The following SEZ6L variants were observed in gnomAD, a reference collection of about 807,000 sequenced individuals.
SEZ6L encodes seizure related 6 homolog like.
Under a neutral mutation model 106.2 loss-of-function variants are expected in SEZ6L, and 37 were observed. The ratio of observed to expected loss-of-function variants is 0.35; its 90% confidence interval spans 0.27 to 0.46. The LOEUF is 0.46. Among genes scored for constraint, SEZ6L ranks in the 20% least tolerant of loss-of-function variants. The probability of loss-of-function intolerance (pLI) is 1.00; values close to 1 mark genes in which losing one functional copy is unlikely to be tolerated. For missense variants in SEZ6L, 1,172 were observed against 1,332.8 expected, an observed-to-expected ratio of 0.88 and a Z score of 1.88; for synonymous variants, 541 against 570.4, an observed-to-expected ratio of 0.95 and a Z score of 0.73.
intron 1 of SEZ6L, among the ~76,000 whole-genome samples, chr22:26,278,200 G>T (rs891391680): frequency 3.3e-5 from 5 of 152,230 alleles, no homozygotes; most frequent in Non-Finnish European, 5.9e-5. Context: ...GGCCAGCAAG[G>T]AGGTTGTGGA....
intron 1 of SEZ6L, among the ~76,000 whole-genome samples, chr22:26,255,953 G>T (rs1304858888): frequency 6.6e-6 from 1 of 152,194 alleles, no homozygotes; most frequent in African/African-American, 2.4e-5. Context: ...GCACATGAGT[G>T]GGGTTTAGGC....
intron 9 of SEZ6L, among the ~76,000 whole-genome samples, chr22:26,339,576 T>G (rs560097962): frequency 6.6e-6 from 1 of 152,338 alleles, no homozygotes; most frequent in South Asian, 2.1e-4. Context: ...ACAGTATGAA[T>G]GGTGACAGGT....
chr22:26,366,591 C>A (rs1353744337), intron 13 of SEZ6L, among the ~76,000 whole-genome samples: 2 of 151,674 alleles, frequency 1.3e-5, no homozygotes, highest in East Asian at 1.9e-4. Flanking sequence ...GCCTGTAGTC[C>A]CAGCTACTTG....
chr22:26,179,779 A>G (rs1939264139), intron 1 of SEZ6L, among the ~76,000 whole-genome samples: 1 of 151,972 alleles, frequency 6.6e-6, no homozygotes, highest in Non-Finnish European at 1.5e-5. Context: ...CTTCCTCTCT[A>G]TTGCCTAACT....
At chr22:26,233,945 C>A (rs779736815) in intron 1 of SEZ6L, among the ~76,000 whole-genome samples, 1 of 152,100 alleles carries the variant, frequency 6.6e-6, no homozygotes, top group East Asian at 1.9e-4. Flanking sequence ...GATGGAGGAC[C>A]GGGCTCACCC....
chr22:26,216,992 T>C (rs1346040880), intron 1 of SEZ6L, among the ~76,000 whole-genome samples: 2 of 152,204 alleles, frequency 1.3e-5, no homozygotes, highest in African/African-American at 4.8e-5. Context: ...CACTGGGCTC[T>C]CCTGCACCCC....
chr22:26,323,081 C>G (rs1039195800), intron 9 of SEZ6L, among the ~76,000 whole-genome samples: 1 of 152,180 alleles, frequency 6.6e-6, no homozygotes, highest in Non-Finnish European at 1.5e-5. Context: ...CAAGAGAGGA[C>G]CAGAAAGACA....
In SEZ6L at chr22:26,263,124, G is replaced by A. The variant is rs561626087; in HGVS notation, c.95-29282G>A. The stretch of plus-strand genomic sequence containing the variant: ...ACTTTCATGCTTCCCATGGTCTACC[G>A]GGTGCCACATGCCACATTAACTCCT... On this transcript the variant is annotated intron_variant, in intron 1 of 16. Coordinates refer to ENST00000248933, the MANE Select transcript of SEZ6L (RefSeq NM_021115.5). 2.6e-5 allele frequency among the ~76,000 whole-genome samples: 4 copies of A among 152,198 alleles called. No homozygotes were observed. In the South Asian group the frequency reaches 8.3e-4, roughly 32 times the overall value.
At chr22:26,347,199 AATG>A (rs3071639) in intron 10 of SEZ6L, among the ~76,000 whole-genome samples, 1,892 of 149,816 alleles carry the variant, frequency 0.013, 40 homozygotes, top group African/African-American at 0.043. Context: ...CTGTAAAAAT[AATG>A]ATGATGATGA....
At position 26,340,573 on chromosome 22, in the gene SEZ6L, A is replaced by G; in HGVS notation, c.2153A>G (p.His718Arg). Reference sequence around the variant, plus strand: ...ACGCCAGACTTAACCATCCAGTTCCATTCGGACCCTGCTGGCCTCATCTTT... The same window carrying G: ...ACGCCAGACTTAACCATCCAGTTCCGTTCGGACCCTGCTGGCCTCATCTTT... ...SSTPDLTIQF[H>R]SDPAGLIFGK... The change falls in exon 10 of 17, where the codon CAT (histidine) becomes CGT (arginine). Residue 718 changes from histidine (H) to arginine (R), a missense_variant. Coordinates refer to ENST00000248933, the MANE Select transcript of SEZ6L (RefSeq NM_021115.5). The G allele has an allele frequency of 6.2e-7, 1 of 1,614,170 alleles. No homozygotes were observed. Among genetic ancestry groups the G allele is most frequent in the African/African-American group, 1.3e-5 (1 of 75,062 alleles).
At chr22:26,365,201 G>A (rs4820678) in intron 12 of SEZ6L, among the ~76,000 whole-genome samples, 171 bp from the exon 13 acceptor site, 108,434 of 152,124 alleles carry the variant, frequency 0.71, 39,172 homozygotes, top group East Asian at 0.96. Context: ...TGTGCCCAGA[G>A]GTGGAAGACA....
At chr22:26,213,984 C>T (rs1369419636) in intron 1 of SEZ6L, among the ~76,000 whole-genome samples, 1 of 152,154 alleles carries the variant, frequency 6.6e-6, no homozygotes, top group Non-Finnish European at 1.5e-5. Context: ...AGGACAAGCC[C>T]AACATTGTGC....
At chr22:26,193,011 G>A (rs976615433) in intron 1 of SEZ6L, among the ~76,000 whole-genome samples, 1 of 152,176 alleles carries the variant, frequency 6.6e-6, no homozygotes, top group Non-Finnish European at 1.5e-5. Flanking sequence ...AAATCGTAAT[G>A]AGTACCTACT....
chr22:26,307,360 C>G (rs769953585), intron 6 of SEZ6L, among the ~76,000 whole-genome samples: 1 of 152,018 alleles, frequency 6.6e-6, no homozygotes. Flanking sequence ...TACTGCACTT[C>G]CAGAATGCCC....
chr22:26,310,873 G>C (rs763492337), intron 7 of SEZ6L, 37 bp downstream of exon 7: 2 of 1,599,842 alleles, frequency 1.3e-6, no homozygotes, highest in East Asian at 4.5e-5. Context: ...CTCTTGTGGG[G>C]CTGGGGGTAG....
chr22:26,254,202 G>T (rs903158233), intron 1 of SEZ6L: 1 of 152,196 alleles, frequency 6.6e-6, no homozygotes, highest in African/African-American at 2.4e-5. Context: ...ATTCTGTCCA[G>T]CTAGAGCGGT....
chr22:26,271,057 T>A (rs2080349025), intron 1 of SEZ6L, among the ~76,000 whole-genome samples: 1 of 152,252 alleles, frequency 6.6e-6, no homozygotes, highest in Admixed American at 6.5e-5. Flanking sequence ...TGTCTTAGAA[T>A]AATAATGTCT....
At chr22:26,307,084 C>G (rs1302216764) in intron 6 of SEZ6L, among the ~76,000 whole-genome samples, 2 of 152,136 alleles carry the variant, frequency 1.3e-5, no homozygotes, top group Non-Finnish European at 2.9e-5. Flanking sequence ...GGATTCTGTC[C>G]ACTGGAAACC....
chr22:26,298,901 C>T (rs745683274), intron 4 of SEZ6L, 83 bp from the exon 5 acceptor site: 13 of 1,382,650 alleles, frequency 9.4e-6, no homozygotes, highest in Non-Finnish European at 1.3e-5. Context: ...CTCCCCAGCA[C>T]AAACTGGCTC....
Sources: allele counts gnomAD v4.1 joint callset (sites outside exome capture counted in the v4.1 genomes callset), GRCh38; gene constraint gnomAD v4.1.1; transcripts MANE v1.5; gene names NCBI Gene and HGNC (gene_info 2026-07-23, HGNC 2026-07-21).